PRDM16: variants seen among roughly 807,000 people sequenced by gnomAD.
PRDM16 encodes histone-lysine N-methyltransferase PRDM16.
Under a neutral mutation model 110.6 loss-of-function variants are expected in PRDM16, and 23 were observed. The observed-to-expected ratio is 0.21, with a 90% CI of 0.15 to 0.29. The LOEUF (loss-of-function observed/expected upper bound fraction) is 0.29, where lower values mean the gene tolerates loss of function less well. PRDM16 is among the 10% of genes least tolerant of loss of function. The probability of loss-of-function intolerance (pLI) is 1.00; values close to 1 mark genes in which losing one functional copy is unlikely to be tolerated. For synonymous variants in PRDM16, 799 were observed against 781.8 expected (o/e 1.02, Z -0.37); for missense variants, 1,615 against 1,794.3 (o/e 0.90, Z 1.81).
chr1:3,152,995 G>A (rs1643803085), intron 1 of PRDM16, among the ~76,000 whole-genome samples: 1 of 152,258 alleles, frequency 6.6e-6, no homozygotes, highest in African/African-American at 2.4e-5. Flanking sequence ...AGTCAGGGAG[G>A]TGCCCAGGAA....
rs184651439 is a variant in PRDM16, at chr1:3,403,103, G to A, written c.884+105G>A. ...GAGTCTTCCTCCCCTCCCTTCCCCC[G>A]CCTCGCCCCCCAACAGGTGTAGACA... On this transcript the variant is annotated intron_variant, in intron 6 of 16. Coordinates refer to ENST00000270722, the MANE Select transcript of PRDM16 (RefSeq NM_022114.4). The A allele has an allele frequency of 9.9e-4, 972 of 981,064 alleles. 7 individuals carry two copies. In the African/African-American group the frequency reaches 0.017, roughly 17 times the overall value. 60.8% of individuals were successfully genotyped at this position (981,064 alleles called of 1,614,324 possible).
chr1:3,223,205 G>A (rs1335866350), intron 2 of PRDM16, among the ~76,000 whole-genome samples: 2 of 144,396 alleles, frequency 1.4e-5, no homozygotes, highest in African/African-American at 5.3e-5. Flanking sequence ...CGAAAATCAA[G>A]GCTTCTTTCT....
At position 3,349,717 on chromosome 1, in the gene PRDM16, G is replaced by A. The variant is rs754695411; in HGVS notation, c.439-35435G>A. 5.9e-5 allele frequency among the ~76,000 whole-genome samples: 9 copies of A among 152,140 alleles called. No homozygotes were observed. The South Asian group carries it at 8.3e-4, about 14-fold the overall frequency. ...ACTCCAATGCACCCCGGCTTCCTGC[G>A]CTCTGGGGGTCTTCAAAGCTCCCTG... On this transcript the variant is annotated intron_variant, in intron 3 of 16. Transcript: ENST00000270722.
intron 1 of PRDM16, among the ~76,000 whole-genome samples, chr1:3,160,668 C>T (rs1471338023): frequency 6.6e-6 from 1 of 152,202 alleles, no homozygotes. Flanking sequence ...CCTAGAACCC[C>T]GTCTGGGGCT....
chr1:3,095,164 C>G (rs544863565), intron 1 of PRDM16, among the ~76,000 whole-genome samples: 1 of 152,166 alleles, frequency 6.6e-6, no homozygotes, highest in Non-Finnish European at 1.5e-5. Flanking sequence ...CAGCTCAGTG[C>G]GTGAAAAGCC....
Position 3,425,075 on chromosome 1 carries a change from CTTTTT to C in PRDM16, c.2940-490_2940-486del, listed in dbSNP as rs34261616. 1.2e-4 allele frequency: 15 copies of C among 123,080 alleles called. 1 individual carries two copies. The highest frequency in any genetic ancestry group is 1.8e-4 in the Non-Finnish European group (11 of 60,138). 7.6% of individuals were successfully genotyped at this position (123,080 alleles called of 1,614,324 possible). A position where few individuals can be genotyped will look rare whatever the true frequency, so the allele number is the denominator to read the frequency against. On this transcript the variant is annotated intron_variant, in intron 12 of 16. Transcript: ENST00000270722. This position sits in a 1 kb window ranked among gnomAD's most constrained non-coding sequence, Gnocchi z 6.9. ...CAGTAGGAGGGTGAACGCCTGCTTGCTTTTTTTTTTTTTTTTTTTTGAGATGGAGT... is the reference window on the plus strand; with the variant it reads ...CAGTAGGAGGGTGAACGCCTGCTTGCTTTTTTTTTTTTTTTGAGATGGAGT...
intron 1 of PRDM16, among the ~76,000 whole-genome samples, chr1:3,162,178 A>T (rs530911972): frequency 6.6e-6 from 1 of 152,242 alleles, no homozygotes; most frequent in Admixed American, 6.5e-5. Context: ...TGCCCGGGCC[A>T]CTGCGGAACC....
At chr1:3,337,671 G>GC (rs1642188460) in intron 3 of PRDM16, among the ~76,000 whole-genome samples, 1 of 152,162 alleles carries the variant, frequency 6.6e-6, no homozygotes, top group Admixed American at 6.5e-5. Flanking sequence ...AACCATCTCT[G>GC]CCCCAGGCTG....
At chr1:3,274,780 G>C (rs1228392652) in intron 3 of PRDM16, among the ~76,000 whole-genome samples, 1 of 151,282 alleles carries the variant, frequency 6.6e-6, no homozygotes, top group Non-Finnish European at 1.5e-5. Context: ...TGCATGGCTG[G>C]CTTTTCCATT....
At position 3,069,343 on chromosome 1, in the gene PRDM16, G is replaced by A. The variant is rs1641682911; in HGVS notation, c.37+47G>A. ...GCGCCGCGCCGCCGGGGCCCGGGCC[G>A]CCGGGCCGGGGCGCCCGGGCCAGGG... On this transcript the variant is annotated intron_variant, in intron 1 of 16. Coordinates refer to ENST00000270722, the MANE Select transcript of PRDM16 (RefSeq NM_022114.4). The surrounding 1 kb of genome is among the most constrained non-coding windows in gnomAD (Gnocchi z 6.1). 4 of 983,604 alleles carry A rather than the reference G, an allele frequency of 4.1e-6. No homozygotes were observed. Among genetic ancestry groups the A allele is most frequent in the Non-Finnish European group, 4.9e-6 (4 of 815,734 alleles). The allele number at this position is 983,604 out of a possible 1,614,324, so 60.9% of individuals were successfully genotyped here.
At chr1:3,118,729 G>A (rs1643024777) in intron 1 of PRDM16, among the ~76,000 whole-genome samples, 1 of 147,668 alleles carries the variant, frequency 6.8e-6, no homozygotes, top group South Asian at 2.1e-4. Context: ...TCAGCCTGGG[G>A]GCCACGTGGA....
At chr1:3,111,098 G>A (rs564348763) in intron 1 of PRDM16, among the ~76,000 whole-genome samples, 44 of 152,266 alleles carry the variant, frequency 2.9e-4, no homozygotes, top group African/African-American at 1.0e-3. Context: ...GAGGCTCCAC[G>A]CTGGCTCACG....
chr1:3,118,200 C>A (rs926545661), intron 1 of PRDM16, among the ~76,000 whole-genome samples: 1 of 151,962 alleles, frequency 6.6e-6, no homozygotes, highest in East Asian at 1.9e-4. Flanking sequence ...TGCATGTACA[C>A]ACGCACACAC....
chr1:3,179,702 C>T (rs1430671425), intron 1 of PRDM16, among the ~76,000 whole-genome samples: 2 of 152,242 alleles, frequency 1.3e-5, no homozygotes, highest in Admixed American at 1.3e-4. Flanking sequence ...GGCCGGGCAC[C>T]TGCATCCTGG....
intron 3 of PRDM16, among the ~76,000 whole-genome samples, chr1:3,348,799 T>G (rs574627136): frequency 1.1e-4 from 16 of 152,162 alleles, no homozygotes; most frequent in African/African-American, 3.6e-4. Flanking sequence ...CTCACCCAAC[T>G]CCACCCACTC....
At chr1:3,322,807 AC>A (rs1641791738) in intron 3 of PRDM16, among the ~76,000 whole-genome samples, 1 of 152,084 alleles carries the variant, frequency 6.6e-6, no homozygotes, top group Non-Finnish European at 1.5e-5. Flanking sequence ...AGGACGCACC[AC>A]CCTGTTCGTG....
intron 1 of PRDM16, among the ~76,000 whole-genome samples, chr1:3,103,135 C>T (rs1400240184): frequency 6.6e-6 from 1 of 152,316 alleles, no homozygotes; most frequent in South Asian, 2.1e-4. Context: ...GCTCCATCTC[C>T]GACCACCACG....
At chr1:3,174,427 T>C (rs35599586) in intron 1 of PRDM16, among the ~76,000 whole-genome samples, 7,989 of 152,228 alleles carry the variant, frequency 0.052, 233 homozygotes, top group Admixed American at 0.072. Context: ...TGGGAGCCGC[T>C]GGCCAGCCTG....
At chr1:3,394,412 G>A (rs1399315768) in intron 4 of PRDM16, 12 of 450,766 alleles carry the variant, frequency 2.7e-5, no homozygotes, top group Non-Finnish European at 4.9e-5. Context: ...CCAGTGGAGC[G>A]GAGCCGAGAA....
Sources: allele counts gnomAD v4.1 joint callset (sites outside exome capture counted in the v4.1 genomes callset), GRCh38; gene constraint gnomAD v4.1.1; non-coding constraint Gnocchi (gnomAD v3.1); transcripts MANE v1.5; gene names NCBI Gene and HGNC (gene_info 2026-07-23, HGNC 2026-07-21).